The following CDC42SE2 variants were observed in gnomAD, a reference collection of about 807,000 sequenced individuals.
CDC42SE2 encodes the protein CDC42 small effector protein 2.
Under a neutral mutation model 11.5 loss-of-function variants are expected in CDC42SE2, and 3 were observed. The ratio of observed to expected loss-of-function variants is 0.26; its 90% CI spans 0.12 to 0.67. The LOEUF is 0.67. Ranked by LOEUF, CDC42SE2 falls within the 30% of genes least tolerant of loss-of-function variation. The pLI is 0.80. For missense variants in CDC42SE2, 82 were observed against 106.8 expected, an observed-to-expected ratio of 0.77 and a Z score of 1.02; for synonymous variants, 33 against 34.8, an observed-to-expected ratio of 0.95 and a Z score of 0.18.
chr5:131,262,222 CCTCTA>C (rs1453906192), upstream of CDC42SE2, among the ~76,000 whole-genome samples: 9 of 150,760 alleles, frequency 6.0e-5, no homozygotes, highest in Admixed American at 4.6e-4. Context: ...ATGTAACCTT[CCTCTA>C]CTCTATCATG....
intron 1 of CDC42SE2, among the ~76,000 whole-genome samples, chr5:131,293,355 TGAGGTCAG>T (rs1048319921): frequency 2.6e-5 from 4 of 152,088 alleles, no homozygotes; most frequent in African/African-American, 9.7e-5. Context: ...GCAGATCACC[TGAGGTCAG>T]GAGTTCAGGA....
upstream of CDC42SE2, among the ~76,000 whole-genome samples, chr5:131,259,709 A>G (rs1376470910): frequency 2.6e-5 from 4 of 152,252 alleles, no homozygotes; most frequent in Non-Finnish European, 4.4e-5. Context: ...GAAGACACAA[A>G]TAACTCTTAA....
At chr5:131,302,268 C>T (rs1290607689) in intron 1 of CDC42SE2, among the ~76,000 whole-genome samples, 1 of 152,176 alleles carries the variant, frequency 6.6e-6, no homozygotes, top group African/African-American at 2.4e-5. Flanking sequence ...CAACCTCCGC[C>T]TCCCGGGTTC....
intron 4 of CDC42SE2, among the ~76,000 whole-genome samples, chr5:131,390,414 G>A (rs1046942652): frequency 5.9e-5 from 9 of 152,180 alleles, no homozygotes; most frequent in Non-Finnish European, 1.0e-4. Context: ...GCCGGGTGCG[G>A]TGGCTCATGC....
Position 131,314,662 on chromosome 5 carries a change from T to C in CDC42SE2, c.-454-1314T>C, listed in dbSNP as rs144879477. On this transcript the variant is annotated intron_variant, in intron 1 of 4. Coordinates refer to ENST00000505065, the MANE Select transcript of CDC42SE2 (RefSeq NM_001375635.1). ...TTATTTATTCTATTAATAGTAGTCTTGGTTTTCCTAATTTCGTTATCAGAG... is the reference window on the plus strand; with the variant it reads ...TTATTTATTCTATTAATAGTAGTCTCGGTTTTCCTAATTTCGTTATCAGAG... 4.1e-3 allele frequency among the ~76,000 whole-genome samples: 628 copies of C among 152,352 alleles called. 4 individuals are homozygous for C. Among genetic ancestry groups the C allele is most frequent in the African/African-American group, 0.013 (544 of 41,586 alleles).
the CDC42SE2 span, among the ~76,000 whole-genome samples, chr5:131,226,279 C>A: frequency 6.6e-6 from 1 of 152,158 alleles, no homozygotes; most frequent in South Asian, 2.1e-4. Context: ...AATTTAGTAT[C>A]ATTTGTATGT....
chr5:131,238,889 C>T, the CDC42SE2 span, among the ~76,000 whole-genome samples: 2 of 151,664 alleles, frequency 1.3e-5, no homozygotes, highest in Non-Finnish European at 2.9e-5. Flanking sequence ...ATTATTACAC[C>T]GGGCACGGCT....
At chr5:131,335,768 T>G (rs1429231653) in intron 2 of CDC42SE2, among the ~76,000 whole-genome samples, 1 of 152,238 alleles carries the variant, frequency 6.6e-6, no homozygotes, top group Non-Finnish European at 1.5e-5. Flanking sequence ...AAAGTCTGTT[T>G]TATCAGAGAC....
At chr5:131,368,097 C>T (rs1749909597) in intron 3 of CDC42SE2, among the ~76,000 whole-genome samples, 3 of 151,672 alleles carry the variant, frequency 2.0e-5, no homozygotes, top group Admixed American at 1.3e-4. Context: ...ACTAAAAATA[C>T]AAAAAAATAG....
At chr5:131,287,339 A>G (rs1282875316) in intron 1 of CDC42SE2, among the ~76,000 whole-genome samples, 1 of 152,106 alleles carries the variant, frequency 6.6e-6, no homozygotes, top group Non-Finnish European at 1.5e-5. Context: ...ACAATATTCA[A>G]CTTAGATTTG....
the CDC42SE2 span, among the ~76,000 whole-genome samples, chr5:131,235,950 A>G: frequency 6.6e-6 from 1 of 152,206 alleles, no homozygotes; most frequent in Non-Finnish European, 1.5e-5. Context: ...TCATGTTAAC[A>G]CATATAACTA....
At chr5:131,259,064 C>T (rs908051098), upstream of CDC42SE2, among the ~76,000 whole-genome samples, 3 of 152,190 alleles carry the variant, frequency 2.0e-5, no homozygotes, top group East Asian at 1.9e-4. Context: ...ATTATTCTGA[C>T]AGTTGGTTAT....
At chr5:131,286,902 C>T (rs1282733891) in intron 1 of CDC42SE2, among the ~76,000 whole-genome samples, 2 of 151,752 alleles carry the variant, frequency 1.3e-5, no homozygotes, top group South Asian at 2.1e-4. Flanking sequence ...TCAAAAGTTA[C>T]TTGCAGATTT....
chr5:131,336,103 G>A (rs1337997958), intron 2 of CDC42SE2, among the ~76,000 whole-genome samples: 1 of 152,154 alleles, frequency 6.6e-6, no homozygotes, highest in Non-Finnish European at 1.5e-5. Flanking sequence ...GCAGTGGCTG[G>A]TACCAGTTGT....
chr5:131,289,323 T>G (rs1377594048), intron 1 of CDC42SE2, among the ~76,000 whole-genome samples: 1 of 152,206 alleles, frequency 6.6e-6, no homozygotes, highest in Non-Finnish European at 1.5e-5. Context: ...CTGCACTCAG[T>G]GACTTTCACT....
the CDC42SE2 span, among the ~76,000 whole-genome samples, chr5:131,225,443 A>G: frequency 6.6e-6 from 1 of 152,246 alleles, no homozygotes; most frequent in Admixed American, 6.5e-5. Context: ...TCTGAAAAAC[A>G]AACACAGAGG....
At chr5:131,245,133 T>C (rs1160896508), upstream of CDC42SE2, among the ~76,000 whole-genome samples, 2 of 152,186 alleles carry the variant, frequency 1.3e-5, no homozygotes, top group African/African-American at 4.8e-5. Flanking sequence ...AAAGATAATG[T>C]CTGGGAGCTG....
At chr5:131,230,759 G>A in the CDC42SE2 span, among the ~76,000 whole-genome samples, 2 of 152,102 alleles carry the variant, frequency 1.3e-5, no homozygotes, top group Admixed American at 1.3e-4. Context: ...TTCACATTAG[G>A]GAGTTTCTGT....
chr5:131,325,257 A>G (rs1179217142), intron 2 of CDC42SE2, among the ~76,000 whole-genome samples: 1 of 151,046 alleles, frequency 6.6e-6, no homozygotes, highest in Non-Finnish European at 1.5e-5. Flanking sequence ...TTCTAAAAGC[A>G]CTACCAATCT....
Sources: allele counts gnomAD v4.1 joint callset (sites outside exome capture counted in the v4.1 genomes callset), GRCh38; gene constraint gnomAD v4.1.1; transcripts MANE v1.5; gene names NCBI Gene and HGNC (gene_info 2026-07-23, HGNC 2026-07-21).